The following ADGRL2 variants were observed in gnomAD, a reference collection of about 807,000 sequenced individuals.
ADGRL2 encodes the protein adhesion G protein-coupled receptor L2, also known as calcium-independent alpha-latrotoxin receptor 2.
In ADGRL2, 44 loss-of-function variants were observed where a neutral mutation model predicts 157.4. The ratio of observed to expected loss-of-function variants is 0.28; its 90% CI spans 0.22 to 0.36. The LOEUF is 0.36. Among genes scored for constraint, ADGRL2 ranks in the 10% least tolerant of loss-of-function variants. The pLI, the probability that ADGRL2 is intolerant of heterozygous loss-of-function variation, is 1.00. For synonymous variants in ADGRL2, 585 were observed against 624.7 expected (o/e 0.94, Z 0.95); for missense variants, 1,510 against 1,768.9 (o/e 0.85, Z 2.63).
At chr1:81,364,761 A>C (rs1011483112) in intron 1 of ADGRL2, among the ~76,000 whole-genome samples, 1 of 151,122 alleles carries the variant, frequency 6.6e-6, no homozygotes, top group Non-Finnish European at 1.5e-5. Flanking sequence ...GTGCAGTGGC[A>C]CAATTTCAGC....
chr1:81,574,117 A>T (rs981324596), intron 2 of ADGRL2, among the ~76,000 whole-genome samples: 5 of 147,792 alleles, frequency 3.4e-5, no homozygotes, highest in Non-Finnish European at 7.4e-5. Flanking sequence ...CTAAAAATGA[A>T]TTTTTTTTTA....
intron 2 of ADGRL2, among the ~76,000 whole-genome samples, chr1:81,565,573 G>C (rs2080539994): frequency 1.3e-5 from 2 of 152,180 alleles, no homozygotes; most frequent in South Asian, 4.1e-4. Flanking sequence ...CAAGCTTTCT[G>C]CCGCATTGAA....
intron 2 of ADGRL2, among the ~76,000 whole-genome samples, chr1:81,848,314 A>AT (rs1254675856): frequency 3.3e-5 from 5 of 151,680 alleles, no homozygotes; most frequent in East Asian, 1.9e-4. Context: ...TTTTATTTTG[A>AT]TTTTTTTGGT....
chr1:81,617,131 T>C (rs553106917), intron 3 of ADGRL2, among the ~76,000 whole-genome samples: 10 of 152,352 alleles, frequency 6.6e-5, no homozygotes, highest in Admixed American at 5.9e-4. Context: ...AGGAACCTGG[T>C]TGCATGGCAG....
At chr1:81,511,562 C>A (rs1039544676) in intron 2 of ADGRL2, among the ~76,000 whole-genome samples, 1 of 152,040 alleles carries the variant, frequency 6.6e-6, no homozygotes, top group Non-Finnish European at 1.5e-5. Flanking sequence ...AGGTAACTTG[C>A]ACCTTTATTT....
chr1:81,894,820 G>C (rs2094346633), intron 2 of ADGRL2, among the ~76,000 whole-genome samples: 1 of 151,960 alleles, frequency 6.6e-6, no homozygotes, highest in Admixed American at 6.6e-5. Context: ...TTCAGAAAAA[G>C]AAAAGGCTTA....
Position 81,814,649 on chromosome 1 carries a change from C to A in ADGRL2, c.-101+13581C>A, listed in dbSNP as rs575487244. On this transcript the variant is annotated intron_variant, in intron 1 of 23. Transcript: ENST00000686636. ...GAAATTAATATTTTTATTTTAGGAA[C>A]AAAAATAAACAATATTAGTGTCATT... Among the ~76,000 whole-genome samples the A allele has an allele frequency of 5.3e-5, 8 of 151,310 alleles. No individual in the cohort carries two copies. In the South Asian group the frequency reaches 1.7e-3, roughly 32 times the overall value.
rs552254765 is a variant in ADGRL2, at chr1:81,936,389, T to G, written c.288-339T>G. 7.2e-5 allele frequency among the ~76,000 whole-genome samples: 11 copies of G among 152,054 alleles called. No homozygotes were observed. In the East Asian group the frequency reaches 1.9e-3, roughly 27 times the overall value. On this transcript the variant is annotated intron_variant, in intron 3 of 23. Transcript: ENST00000686636. ...CCTAGTAAGATATATCCAAATATCT[T>G]AATATCCTAGTAAGATATTTGTTGT...
chr1:81,852,984 C>T (rs2093070032), intron 2 of ADGRL2, among the ~76,000 whole-genome samples: 1 of 152,114 alleles, frequency 6.6e-6, no homozygotes, highest in Non-Finnish European at 1.5e-5. Flanking sequence ...GAAAAACGAA[C>T]TGAACTGTCA....
chr1:81,666,617 A>T (rs933677435), intron 3 of ADGRL2, among the ~76,000 whole-genome samples: 2 of 152,214 alleles, frequency 1.3e-5, no homozygotes, highest in Non-Finnish European at 2.9e-5. Flanking sequence ...TGTAAAAATG[A>T]TAATCTGTTT....
chr1:81,588,972 T>C (rs2081079798), intron 3 of ADGRL2, among the ~76,000 whole-genome samples: 2 of 152,148 alleles, frequency 1.3e-5, no homozygotes, highest in Non-Finnish European at 2.9e-5. Flanking sequence ...ACTCAAAACC[T>C]GAAGTTGCAG....
intron 2 of ADGRL2, among the ~76,000 whole-genome samples, chr1:81,852,998 C>T (rs1165703049): frequency 1.3e-5 from 2 of 152,114 alleles, no homozygotes; most frequent in Admixed American, 1.3e-4. Flanking sequence ...ACTGTCAGGT[C>T]ATTCCAAGAG....
chr1:81,742,960 T>C (rs1485255851), intron 1 of ADGRL2, among the ~76,000 whole-genome samples: 1 of 151,962 alleles, frequency 6.6e-6, no homozygotes, highest in African/African-American at 2.4e-5. Context: ...TCTCTTCCAC[T>C]TAATCTAGAG....
At chr1:81,855,089 G>A (rs1424427879) in intron 2 of ADGRL2, among the ~76,000 whole-genome samples, 1 of 152,114 alleles carries the variant, frequency 6.6e-6, no homozygotes, top group Non-Finnish European at 1.5e-5. Flanking sequence ...ACATAAACAA[G>A]TGAAGTAGAC....
In ADGRL2 at chr1:81,390,566, T is replaced by C. The variant is rs552876421; in HGVS notation, c.-301-54470T>C. On this transcript the variant is annotated intron_variant, in intron 1 of 24. Transcript: ENST00000370721. Reference sequence around the variant, plus strand: ...GATAGATAATAATGTGAACAGTAAATGCCCTCCCTCCTATCATTTGTTTCA... The same window carrying C: ...GATAGATAATAATGTGAACAGTAAACGCCCTCCCTCCTATCATTTGTTTCA... Among the ~76,000 whole-genome samples the C allele has an allele frequency of 7.9e-5, 12 of 151,276 alleles. No homozygotes were observed. The East Asian group carries it at 2.3e-3, about 29-fold the overall frequency.
chr1:81,555,191 C>G (rs1479735050), intron 2 of ADGRL2, among the ~76,000 whole-genome samples: 9 of 150,884 alleles, frequency 6.0e-5, no homozygotes. Flanking sequence ...CTAATAAGAT[C>G]TAGTAAGAGA....
chr1:81,688,243 C>T (rs1163082599), intron 3 of ADGRL2, among the ~76,000 whole-genome samples: 3 of 152,076 alleles, frequency 2.0e-5, no homozygotes, highest in East Asian at 3.9e-4. Flanking sequence ...CAGTTTTCCT[C>T]GATTATTCCC....
intron 18 of ADGRL2, chr1:81,980,953 C>T (rs907205125): frequency 2.4e-5 from 12 of 496,934 alleles, no homozygotes; most frequent in African/African-American, 2.2e-4. Context: ...ATCTAATTTG[C>T]TATAGTATTT....
chr1:81,906,881 A>T (rs1365121954), intron 2 of ADGRL2, 136 bp from the exon 3 acceptor site: 1 of 708,984 alleles, frequency 1.4e-6, no homozygotes, highest in East Asian at 2.7e-5. Context: ...AGAACCAAAA[A>T]ATTATTTAAT....
Sources: gnomAD v4.1 joint callset for allele counts (sites outside exome capture counted in the v4.1 genomes callset) on GRCh38, gnomAD v4.1.1 for gene constraint, MANE v1.5 for transcripts, NCBI Gene and HGNC (gene_info 2026-07-23, HGNC 2026-07-21) for gene names.